The following GLMN variants were observed in gnomAD, a reference collection of about 807,000 sequenced individuals.
GLMN encodes glomulin, FKBP associated protein.
A neutral mutation model predicts 87.8 loss-of-function variants in GLMN; 75 were observed. The observed-to-expected ratio is 0.85, with a 90% CI of 0.71 to 1.04. The LOEUF (loss-of-function observed/expected upper bound fraction) is 1.04. Among genes scored for constraint, GLMN ranks in the 50% least tolerant of loss-of-function variants. The pLI is 0.00. For synonymous variants in GLMN, 206 were observed against 221.6 expected, an observed-to-expected ratio of 0.93 and a Z score of 0.63; for missense variants, 588 against 658.8, an observed-to-expected ratio of 0.89 and a Z score of 1.18.
At chr1:92,272,180 G>A (rs1656307551) in intron 7 of GLMN, among the ~76,000 whole-genome samples, 1 of 152,186 alleles carries the variant, frequency 6.6e-6, no homozygotes, top group Non-Finnish European at 1.5e-5. Context: ...ACCTGAAAGT[G>A]GATCTTTCCC....
intron 3 of GLMN, among the ~76,000 whole-genome samples, chr1:92,295,952 A>G (rs1309182934): frequency 6.6e-6 from 1 of 152,230 alleles, no homozygotes; most frequent in East Asian, 1.9e-4. Context: ...TTAGAAAAAA[A>G]TCAAGAAGAG....
intron 4 of GLMN, 110 bp downstream of exon 4, chr1:92,291,308 G>T: frequency 1.0e-6 from 1 of 953,272 alleles, no homozygotes; most frequent in Non-Finnish European, 1.7e-6. Flanking sequence ...GTTCCTTTCT[G>T]CATGTACTTT....
chr1:92,268,314 G>A (rs1655876832), intron 9 of GLMN, among the ~76,000 whole-genome samples, 179 bp from the exon 10 acceptor site: 1 of 152,142 alleles, frequency 6.6e-6, no homozygotes, highest in Non-Finnish European at 1.5e-5. Flanking sequence ...CTGTCTTTCG[G>A]TTTGGCTAAG....
chr1:92,345,996 T>C, the GLMN span: 1 of 965,310 alleles, frequency 1.0e-6, no homozygotes, highest in South Asian at 1.4e-5. Context: ...TCCACTGATT[T>C]TGTAAACTGC....
the GLMN span, among the ~76,000 whole-genome samples, chr1:92,311,321 T>C: frequency 3.3e-5 from 5 of 152,212 alleles, no homozygotes; most frequent in Non-Finnish European, 5.9e-5. Flanking sequence ...ATTGCTACTA[T>C]AGAGAAAGTT....
At chr1:92,322,877 A>G in the GLMN span, among the ~76,000 whole-genome samples, 1 of 148,436 alleles carries the variant, frequency 6.7e-6, no homozygotes, top group East Asian at 1.9e-4. Flanking sequence ...TGTCTTAAAA[A>G]TATATATTTA....
the GLMN span, among the ~76,000 whole-genome samples, chr1:92,356,525 C>A: frequency 1.3e-5 from 2 of 151,706 alleles, no homozygotes; most frequent in Admixed American, 1.3e-4. Flanking sequence ...TTCAAGCAAT[C>A]CTCCTGCCTC....
In GLMN at chr1:92,247,962, T is replaced by C. The variant is rs148335800; in HGVS notation, c.1501A>G (p.Ile501Val). The C allele has an allele frequency of 2.2e-6, 3 of 1,336,324 alleles. No homozygotes were observed. Among genetic ancestry groups the C allele is most frequent in the African/African-American group, 2.9e-5 (2 of 69,766 alleles). The allele number at this position is 1,336,324 out of a possible 1,614,324, so 82.8% of individuals were successfully genotyped here. A position where few individuals can be genotyped will look rare whatever the true frequency, so the allele number is the denominator to read the frequency against. The change falls in exon 17 of 19, where the codon ATT becomes GTT. Residue 501 changes from isoleucine (I) to valine (V), a missense_variant. Transcript: ENST00000370360. ...QTGLWTELGN[I>V]ENNFLKPLHI... ...AGTGGCTTTAAGAAATTATTCTCAA[T>C]ATTTCCAAGTTCTGTCCATAATCCA...
chr1:92,252,781 A>C (rs1225710076), intron 16 of GLMN, among the ~76,000 whole-genome samples: 1 of 152,184 alleles, frequency 6.6e-6, no homozygotes, highest in Non-Finnish European at 1.5e-5. Flanking sequence ...GAAAAAGTAA[A>C]TTAAGAGTTT....
At chr1:92,327,485 C>T in the GLMN span, among the ~76,000 whole-genome samples, 30 of 152,290 alleles carry the variant, frequency 2.0e-4, no homozygotes, top group South Asian at 6.2e-3. Flanking sequence ...CTACTTCTCA[C>T]TTTTGGTGTC....
rs1040491861 is a variant in GLMN, at chr1:92,271,389, T to C, written c.923+76A>G. ...ATGTATTAGTGTGTTAATATGCATATATTGGACATTAGATAAATGAGAATT... is the reference window on the plus strand; with the variant it reads ...ATGTATTAGTGTGTTAATATGCATACATTGGACATTAGATAAATGAGAATT... On this transcript the variant is annotated intron_variant, in intron 8 of 18. Transcript: ENST00000370360. 5.9e-6 allele frequency: 6 copies of C among 1,010,164 alleles called. No homozygotes were observed. In the African/African-American group the frequency reaches 7.9e-5, roughly 13 times the overall value. 62.6% of individuals were successfully genotyped at this position (1,010,164 alleles called of 1,614,324 possible).
the GLMN span, among the ~76,000 whole-genome samples, chr1:92,336,688 T>A: frequency 6.6e-6 from 1 of 152,270 alleles, no homozygotes; most frequent in South Asian, 2.1e-4. Context: ...AAATTATATC[T>A]ATGATGCAAA....
At chr1:92,311,814 G>A in the GLMN span, among the ~76,000 whole-genome samples, 390 of 152,238 alleles carry the variant, frequency 2.6e-3, 3 homozygotes, top group South Asian at 9.3e-3. Context: ...GTGCAGTAGC[G>A]TTATATCTTT....
At chr1:92,353,471 T>C in the GLMN span, among the ~76,000 whole-genome samples, 1 of 152,204 alleles carries the variant, frequency 6.6e-6, no homozygotes, top group Non-Finnish European at 1.5e-5. Context: ...CAATTTCTTA[T>C]GTTTTAGGAA....
intron 3 of GLMN, among the ~76,000 whole-genome samples, chr1:92,295,262 G>A (rs1649903528): frequency 6.6e-6 from 1 of 151,514 alleles, no homozygotes; most frequent in Admixed American, 6.6e-5. Context: ...TCTTCAAGAT[G>A]GGATCTTGGG....
chr1:92,299,105 G>T, upstream of GLMN: 1 of 1,521,904 alleles, frequency 6.6e-7, no homozygotes, highest in Non-Finnish European at 8.8e-7. Context: ...TCTTCTGCCG[G>T]CCGCAAGGCC....
At chr1:92,308,072 T>C in the GLMN span, among the ~76,000 whole-genome samples, 2 of 151,714 alleles carry the variant, frequency 1.3e-5, no homozygotes, top group Non-Finnish European at 2.9e-5. Flanking sequence ...TAAAAAGCTC[T>C]GGCTCAAAAA....
chr1:92,300,095 A>G, upstream of GLMN: 2 of 774,002 alleles, frequency 2.6e-6, no homozygotes, highest in East Asian at 2.6e-5. Context: ...AAGGTACAGT[A>G]AAAATACAGT....
chr1:92,310,968 G>A, the GLMN span, among the ~76,000 whole-genome samples: 8 of 152,152 alleles, frequency 5.3e-5, no homozygotes, highest in Non-Finnish European at 7.3e-5. Flanking sequence ...ACTATAATAA[G>A]TGCATTTTAC....
Sources: allele counts gnomAD v4.1 joint callset (sites outside exome capture counted in the v4.1 genomes callset), GRCh38; gene constraint gnomAD v4.1.1; transcripts MANE v1.5; gene names NCBI Gene and HGNC (gene_info 2026-07-23, HGNC 2026-07-21).